CDC42BPA: variants seen among roughly 807,000 people sequenced by gnomAD.
The protein encoded by CDC42BPA is CDC42 binding protein kinase alpha, also known as serine/threonine-protein kinase MRCK alpha.
A neutral mutation model predicts 223.5 loss-of-function variants in CDC42BPA; 80 were observed. The ratio of observed to expected loss-of-function variants is 0.36; its 90% CI spans 0.30 to 0.43. The LOEUF (loss-of-function observed/expected upper bound fraction) is 0.43, where lower values mean the gene tolerates loss of function less well. Among genes scored for constraint, CDC42BPA ranks in the 20% least tolerant of loss-of-function variants. CDC42BPA has a pLI of 1.00. For missense variants in CDC42BPA, 1,743 were observed against 2,099.9 expected, an observed-to-expected ratio of 0.83 and a Z score of 3.32; for synonymous variants, 694 against 718.6, an observed-to-expected ratio of 0.97 and a Z score of 0.55.
intron 2 of CDC42BPA, among the ~76,000 whole-genome samples, chr1:227,247,984 TAGC>T (rs1248948135): frequency 3.3e-5 from 5 of 152,024 alleles, no homozygotes; most frequent in African/African-American, 1.2e-4. Flanking sequence ...AGTCTCTTAA[TAGC>T]AGAACTGATC....
chr1:227,277,144 AAAAC>A (rs1017488348), intron 1 of CDC42BPA, among the ~76,000 whole-genome samples: 2 of 152,120 alleles, frequency 1.3e-5, no homozygotes, highest in African/African-American at 2.4e-5. Context: ...AGTAAACAGA[AAAAC>A]AATCATTGTG....
chr1:227,129,666 C>CA (rs569879499), intron 10 of CDC42BPA, among the ~76,000 whole-genome samples: 4,885 of 33,894 alleles, frequency 0.14, 971 homozygotes, highest in South Asian at 0.26. Flanking sequence ...GACTGTATCT[C>CA]AAAAAAAAAA....
chr1:227,149,811 T>C (rs1422778265), intron 6 of CDC42BPA, among the ~76,000 whole-genome samples: 3 of 151,996 alleles, frequency 2.0e-5, no homozygotes, highest in Non-Finnish European at 4.4e-5. Flanking sequence ...AAGTTCAACA[T>C]AGTATAAGAG....
At chr1:227,216,853 G>A (rs1674946099) in intron 2 of CDC42BPA, among the ~76,000 whole-genome samples, 1 of 152,184 alleles carries the variant, frequency 6.6e-6, no homozygotes, top group African/African-American at 2.4e-5. Flanking sequence ...TGTCTTGAAA[G>A]ACTTCATAGT....
rs1160175780 is a variant in CDC42BPA, at chr1:227,230,816, CTTTCTTTTTTT to C, written c.271-17608_271-17598del. ...ACTGATTTCTATTTCTTTTTTCTTT[CTTTCTTTTTTT>C]TTTTTTTTTTTTGAGACAGAGTCTT... is the stretch of plus-strand genomic sequence containing the variant. On this transcript the variant is annotated intron_variant, in intron 2 of 36. Coordinates refer to ENST00000366766, the MANE Select transcript of CDC42BPA (RefSeq NM_001394014.1). Among the ~76,000 whole-genome samples, 26 of 54,074 alleles carry C rather than the reference CTTTCTTTTTTT, an allele frequency of 4.8e-4. 1 individual carries two copies. Among genetic ancestry groups the C allele is most frequent in the Non-Finnish European group, 8.4e-4 (22 of 26,056 alleles). 35.5% of individuals were successfully genotyped at this position (54,074 alleles called of 152,430 possible).
At chr1:227,225,764 T>C (rs1255446131) in intron 2 of CDC42BPA, among the ~76,000 whole-genome samples, 1 of 149,966 alleles carries the variant, frequency 6.7e-6, no homozygotes, top group Non-Finnish European at 1.5e-5. Flanking sequence ...TCATGACAAA[T>C]ACATTTAGTG....
chr1:227,295,429 G>A (rs1425175485), intron 1 of CDC42BPA, among the ~76,000 whole-genome samples: 2 of 151,832 alleles, frequency 1.3e-5, no homozygotes, highest in African/African-American at 4.8e-5. Flanking sequence ...AAAGTGCTGG[G>A]ATTACAGGCA....
chr1:227,132,729 C>G (rs947567618), intron 10 of CDC42BPA, among the ~76,000 whole-genome samples: 1 of 151,656 alleles, frequency 6.6e-6, no homozygotes, highest in Non-Finnish European at 1.5e-5. Flanking sequence ...AAGTGAGGAG[C>G]GTCTCTGCCC....
intron 2 of CDC42BPA, among the ~76,000 whole-genome samples, chr1:227,220,309 T>TATATATATATATATAC (rs1396467157): frequency 1.3e-5 from 1 of 75,388 alleles, no homozygotes; most frequent in Non-Finnish European, 2.6e-5. Flanking sequence ...TATATATATA[T>TATATATATATATATAC]ATACACACAC....
intron 17 of CDC42BPA, among the ~76,000 whole-genome samples, chr1:227,079,018 A>C (rs1445966069): frequency 6.6e-6 from 1 of 152,170 alleles, no homozygotes; most frequent in Admixed American, 6.5e-5. Flanking sequence ...CTCAATCTGT[A>C]AACTAAACTC....
chr1:227,276,824 A>C (rs1687157274), intron 1 of CDC42BPA, among the ~76,000 whole-genome samples: 1 of 152,200 alleles, frequency 6.6e-6, no homozygotes, highest in Non-Finnish European at 1.5e-5. Context: ...TCAGGGTTAA[A>C]CGGATTAAGG....
intron 6 of CDC42BPA, among the ~76,000 whole-genome samples, chr1:227,148,837 A>G (rs1286287125): frequency 6.6e-6 from 1 of 151,852 alleles, no homozygotes; most frequent in African/African-American, 2.4e-5. Flanking sequence ...ATAAACATAT[A>G]AAAGAACTTT....
At chr1:227,163,816 G>A (rs1289677240) in intron 5 of CDC42BPA, among the ~76,000 whole-genome samples, 1 of 151,532 alleles carries the variant, frequency 6.6e-6, no homozygotes, top group Non-Finnish European at 1.5e-5. Context: ...GACATCATAA[G>A]GATGGTGTCC....
chr1:227,172,560 G>T (rs1411646050), intron 5 of CDC42BPA, among the ~76,000 whole-genome samples: 1 of 151,944 alleles, frequency 6.6e-6, no homozygotes, highest in Non-Finnish European at 1.5e-5. Flanking sequence ...CAGCAAATGA[G>T]AAAAAGAAGA....
chr1:227,168,497 G>GTTTTTTTTTTTTGTTTGTTT (rs1553374261), intron 5 of CDC42BPA, among the ~76,000 whole-genome samples: 2 of 80,196 alleles, frequency 2.5e-5, no homozygotes, highest in Non-Finnish European at 4.7e-5. Flanking sequence ...CTTCCCTGGT[G>GTTTTTTTTTTTTGTTTGTTT]TTTTTTTTTT....
chr1:227,045,230 TC>T (rs969487396), intron 23 of CDC42BPA, among the ~76,000 whole-genome samples: 1 of 152,192 alleles, frequency 6.6e-6, no homozygotes, highest in African/African-American at 2.4e-5. Flanking sequence ...TGCAATTTTT[TC>T]CCCCCTGCAA....
At chr1:227,062,251 C>G (rs994321092) in intron 21 of CDC42BPA, among the ~76,000 whole-genome samples, 5 of 152,146 alleles carry the variant, frequency 3.3e-5, no homozygotes, top group African/African-American at 9.7e-5. Flanking sequence ...GCTCCCTCCC[C>G]CCGCAAGTTC....
chr1:227,169,246 C>T (rs1192922777), intron 5 of CDC42BPA, among the ~76,000 whole-genome samples: 1 of 152,108 alleles, frequency 6.6e-6, no homozygotes, highest in Non-Finnish European at 1.5e-5. Context: ...TTAATAATTT[C>T]TACATCTGGG....
At chr1:227,069,888 A>G (rs755610794) in intron 20 of CDC42BPA, 35 bp from the exon 21 acceptor site, 2 of 1,445,890 alleles carry the variant, frequency 1.4e-6, no homozygotes, top group East Asian at 4.6e-5. Context: ...TAAGGCTACA[A>G]CAATTAAAAT....
Sources: gnomAD v4.1 joint callset for allele counts (sites outside exome capture counted in the v4.1 genomes callset) on GRCh38, gnomAD v4.1.1 for gene constraint, MANE v1.5 for transcripts, NCBI Gene and HGNC (gene_info 2026-07-23, HGNC 2026-07-21) for gene names.